LCP2: variants seen among roughly 807,000 people sequenced by gnomAD.
The protein encoded by LCP2 is 76 kDa tyrosine phosphoprotein.
In LCP2, 29 loss-of-function variants were observed where a neutral mutation model predicts 74.5. The ratio of observed to expected loss-of-function variants is 0.39; its 90% CI spans 0.29 to 0.53. The LOEUF is 0.53. Among genes scored for constraint, LCP2 ranks in the 20% least tolerant of loss-of-function variants. LCP2 has a pLI of 0.72. For missense variants in LCP2, 604 were observed against 634.6 expected, an observed-to-expected ratio of 0.95 and a Z score of 0.52; for synonymous variants, 228 against 229.5, an observed-to-expected ratio of 0.99 and a Z score of 0.06.
intron 20 of LCP2, among the ~76,000 whole-genome samples, chr5:170,249,362 G>GTGTA (rs549497220): frequency 4.8e-4 from 52 of 108,132 alleles, no homozygotes; most frequent in African/African-American, 1.5e-3. Context: ...GCATGCGTGT[G>GTGTA]TATATATATA....
At chr5:170,297,385 A>G (rs1041370763) in intron 1 of LCP2, 149 bp downstream of exon 1, 1 of 638,776 alleles carries the variant, frequency 1.6e-6, no homozygotes, top group African/African-American at 1.8e-5. Flanking sequence ...AGCGGTCTAT[A>G]TGGCGCTCAC....
Position 170,281,613 on chromosome 5 carries a change from G to C in LCP2, c.189-5753C>G, listed in dbSNP as rs371786051. Among the ~76,000 whole-genome samples the C allele has an allele frequency of 5.9e-5, 9 of 152,298 alleles. No individual in the cohort carries two copies. The South Asian group carries it at 1.9e-3, about 32-fold the overall frequency. ...ATGAGAATGTTCCTTTCGCCTCTGC[G>C]TCCCTTCCTCCACACCTTTCCTGTC... is the stretch of plus-strand genomic sequence containing the variant. On this transcript the variant is annotated intron_variant, in intron 3 of 20. Transcript: ENST00000046794.
rs936538726 is a variant in LCP2, at chr5:170,248,262, G to A, written c.*435C>T. 6.5e-6 allele frequency: 1 copy of A among 154,382 alleles called. No individual in the cohort carries two copies. The highest frequency in any genetic ancestry group is 1.4e-5 in the Non-Finnish European group (1 of 69,222). The allele number at this position is 154,382 out of a possible 1,614,324, so 9.6% of individuals were successfully genotyped here. A position where few individuals can be genotyped will look rare whatever the true frequency, so the allele number is the denominator to read the frequency against. On this transcript the variant is annotated 3_prime_UTR_variant, in exon 21 of 21. Coordinates refer to ENST00000046794, the MANE Select transcript of LCP2 (RefSeq NM_005565.5). ...AGGTTTAGTGATTTTCAAATTACATGTATAAAACTAATGAATGCCTCTGAC... is the reference window on the plus strand; with the variant it reads ...AGGTTTAGTGATTTTCAAATTACATATATAAAACTAATGAATGCCTCTGAC...
chr5:170,256,254 A>G lies in LCP2; in HGVS notation c.1150+272T>C, dbSNP rs895433792. Reference sequence around the variant, plus strand: ...TGTGTGCACATGTATATATGTGTACATGTGTATGCATGTGTGTGTGTGCAT... The same window carrying G: ...TGTGTGCACATGTATATATGTGTACGTGTGTATGCATGTGTGTGTGTGCAT... On this transcript the variant is annotated intron_variant, in intron 17 of 20. Transcript: ENST00000046794. This position sits in a 1 kb window ranked among gnomAD's most constrained non-coding sequence, Gnocchi z 4.5. 2.0e-5 allele frequency among the ~76,000 whole-genome samples: 3 copies of G among 151,994 alleles called. No individual in the cohort carries two copies. Among genetic ancestry groups the G allele is most frequent in the Non-Finnish European group, 2.9e-5 (2 of 67,978 alleles).
chr5:170,287,967 T>G lies in LCP2; in HGVS notation c.188+3A>C. The stretch of plus-strand genomic sequence containing the variant: ...TCACCCATAGAGTTGGAGGAGTACT[T>G]ACGGCACCCGGAGCTTGGGGAACTT... On this transcript the variant is annotated splice_donor_region_variant and intron_variant, in intron 3 of 20. Transcript: ENST00000046794. 1 of 1,613,780 alleles carries G rather than the reference T, an allele frequency of 6.2e-7. No individual in the cohort carries two copies. The highest frequency in any genetic ancestry group is 8.5e-7 in the Non-Finnish European group (1 of 1,179,700).
At chr5:170,282,243 T>C (rs938239153) in intron 3 of LCP2, among the ~76,000 whole-genome samples, 2 of 152,256 alleles carry the variant, frequency 1.3e-5, no homozygotes, top group African/African-American at 4.8e-5. Flanking sequence ...AGTGTAATAT[T>C]GTTTTGGTTT....
intron 16 of LCP2, among the ~76,000 whole-genome samples, chr5:170,257,088 G>C (rs908100602): frequency 1.3e-5 from 2 of 152,154 alleles, no homozygotes; most frequent in African/African-American, 4.8e-5. Flanking sequence ...GGCGGGCCCA[G>C]AGGGCCCTGA....
chr5:170,287,367 T>C (rs1279953469), intron 3 of LCP2, among the ~76,000 whole-genome samples: 1 of 152,228 alleles, frequency 6.6e-6, no homozygotes, highest in Non-Finnish European at 1.5e-5. Context: ...CTGGCTCCTG[T>C]AGGTATTTGA....
chr5:170,263,191 C>T (rs1213402925), intron 10 of LCP2, among the ~76,000 whole-genome samples, 199 bp from the exon 11 acceptor site: 1 of 152,194 alleles, frequency 6.6e-6, no homozygotes, highest in African/African-American at 2.4e-5. Context: ...AATTAAATGG[C>T]TTGACCATTT....
At chr5:170,266,940 T>C (rs1360470942) in intron 9 of LCP2, 49 bp from the exon 10 acceptor site, 5 of 1,546,446 alleles carry the variant, frequency 3.2e-6, no homozygotes, top group East Asian at 2.4e-5. Flanking sequence ...AGCAGTCGGC[T>C]GGGGGTTGGG....
rs566719760 is a variant in LCP2 at position 170,246,260 on chromosome 5, T to C, written c.*2437A>G. On this transcript the variant is annotated 3_prime_UTR_variant, in exon 21 of 21. Coordinates refer to ENST00000046794, the MANE Select transcript of LCP2 (RefSeq NM_005565.5). ...CATGTTCTTGAAGGCTGTTTAATGT[T>C]TTGAAGAATGGCTTAACTTACGTCA... 197 of 674,174 alleles carry C rather than the reference T, an allele frequency of 2.9e-4. 2 individuals carry two copies. The South Asian group carries it at 4.8e-3, about 16-fold the overall frequency. The allele number at this position is 674,174 out of a possible 1,614,324, so 41.8% of individuals were successfully genotyped here. A position where few individuals can be genotyped will look rare whatever the true frequency, so the allele number is the denominator to read the frequency against.
intron 2 of LCP2, among the ~76,000 whole-genome samples, chr5:170,291,116 G>GAGGGAAGGGGAGAGGGGAGGACA (rs534989643): frequency 2.1e-5 from 3 of 146,268 alleles, no homozygotes; most frequent in South Asian, 2.2e-4. Context: ...GAAGGGAAAA[G>GAGGGAAGGGGAGAGGGGAGGACA]AGGGAAGGGG....
intron 3 of LCP2, among the ~76,000 whole-genome samples, chr5:170,278,027 G>T (rs1762035432): frequency 1.3e-5 from 2 of 151,500 alleles, no homozygotes; most frequent in African/African-American, 4.8e-5. Flanking sequence ...TCCCTTAAGT[G>T]GTTGTTTCAA....
chr5:170,253,921 C>A (rs1761502665), intron 17 of LCP2, among the ~76,000 whole-genome samples: 1 of 152,170 alleles, frequency 6.6e-6, no homozygotes, highest in African/African-American at 2.4e-5. Context: ...GTTTCCTAAT[C>A]TCAGGAAAGG....
intron 13 of LCP2, among the ~76,000 whole-genome samples, chr5:170,261,560 A>G (rs1761655264): frequency 6.6e-6 from 1 of 152,218 alleles, no homozygotes; most frequent in Admixed American, 6.5e-5. Flanking sequence ...CAAGAAATGA[A>G]AACATTTTAG....
chr5:170,250,549 G>A (rs1325268647), intron 20 of LCP2, among the ~76,000 whole-genome samples, 181 bp downstream of exon 20: 1 of 152,170 alleles, frequency 6.6e-6, no homozygotes, highest in Admixed American at 6.5e-5. Flanking sequence ...AGAATCCTAT[G>A]GCAGAAGTAA....
At chr5:170,282,269 A>C (rs1762118025) in intron 3 of LCP2, among the ~76,000 whole-genome samples, 1 of 152,204 alleles carries the variant, frequency 6.6e-6, no homozygotes, top group African/African-American at 2.4e-5. Flanking sequence ...ACATGAACAC[A>C]ATTTCTTTTC....
intron 10 of LCP2, 118 bp from the exon 11 acceptor site, chr5:170,263,110 G>T: frequency 8.3e-7 from 1 of 1,206,538 alleles, no homozygotes; most frequent in Non-Finnish European, 1.2e-6. Flanking sequence ...TGGGGTTTAA[G>T]CATTAAAGAA....
intron 5 of LCP2, 55 bp from the exon 6 acceptor site, chr5:170,274,393 G>A (rs188135661): frequency 6.3e-7 from 1 of 1,579,650 alleles, no homozygotes; most frequent in East Asian, 2.3e-5. Flanking sequence ...CCACTTGAGG[G>A]AAAGTCAAAG....
Sources: gnomAD v4.1 joint callset for allele counts (sites outside exome capture counted in the v4.1 genomes callset) on GRCh38, gnomAD v4.1.1 for gene constraint, Gnocchi (gnomAD v3.1) non-coding constraint, MANE v1.5 for transcripts, NCBI Gene and HGNC (gene_info 2026-07-23, HGNC 2026-07-21) for gene names.